Variants in PLCH1 observed in about 807,000 individuals in gnomAD.
PLCH1 encodes the protein 1-phosphatidylinositol 4,5-bisphosphate phosphodiesterase eta-1.
In PLCH1, 60 loss-of-function variants were observed where a neutral mutation model predicts 126.7. The ratio of observed to expected loss-of-function variants is 0.47; its 90% CI spans 0.38 to 0.59. PLCH1 has a LOEUF of 0.59. PLCH1 is among the 20% of genes least tolerant of loss of function. The probability of loss-of-function intolerance (pLI) is 0.00; values close to 1 mark genes in which losing one functional copy is unlikely to be tolerated. For synonymous variants in PLCH1, 719 were observed against 734.9 expected (o/e 0.98, Z 0.35); for missense variants, 1,723 against 2,040.0 (o/e 0.84, Z 2.99).
intron 8 of PLCH1, among the ~76,000 whole-genome samples, chr3:155,563,410 T>C (rs1727896459): frequency 6.6e-6 from 1 of 152,222 alleles, no homozygotes. Context: ...CCCTATAGTA[T>C]GGAGTGGCAC....
chr3:155,737,089 G>A (rs1321879561), intron 1 of PLCH1, among the ~76,000 whole-genome samples: 1 of 151,450 alleles, frequency 6.6e-6, no homozygotes, highest in Non-Finnish European at 1.5e-5. Context: ...GAAATTAGCC[G>A]GGCGTGGTGG....
chr3:155,486,760 A>G (rs1315600325), intron 21 of PLCH1, among the ~76,000 whole-genome samples: 2 of 151,614 alleles, frequency 1.3e-5, no homozygotes, highest in Admixed American at 6.6e-5. Context: ...TCCTGACCTC[A>G]TGATCCACCC....
intron 2 of PLCH1, among the ~76,000 whole-genome samples, chr3:155,670,311 C>G (rs116264875): frequency 2.6e-5 from 4 of 152,194 alleles, no homozygotes; most frequent in Admixed American, 6.5e-5. Context: ...AGGGTTGCCT[C>G]AGAGCCCTGC....
At chr3:155,641,611 AG>A (rs1196060843) in intron 2 of PLCH1, among the ~76,000 whole-genome samples, 3 of 152,236 alleles carry the variant, frequency 2.0e-5, no homozygotes, top group African/African-American at 7.2e-5. Context: ...CCTAACACAA[AG>A]AATGACAAAT....
chr3:155,503,170 T>A (rs1468799963), intron 13 of PLCH1, among the ~76,000 whole-genome samples: 1 of 152,204 alleles, frequency 6.6e-6, no homozygotes, highest in East Asian at 1.9e-4. Flanking sequence ...AAACCACACA[T>A]ACGACGAAAT....
chr3:155,504,741 G>C, intron 12 of PLCH1, 115 bp from the exon 13 acceptor site: 2 of 657,188 alleles, frequency 3.0e-6, no homozygotes, highest in South Asian at 1.9e-5. Flanking sequence ...CTCTAGGTGA[G>C]AAACAAGCAG....
Position 155,488,728 on chromosome 3 carries a change from C to T in PLCH1, c.2471G>A (p.Trp824Ter). ...PEIALVRFLVWDHDPIGRDFV... is the reference protein window; with the variant it reads ...PEIALVRFLV The stretch of plus-strand genomic sequence containing the variant: ...GTCTCGTCCAATGGGATCGTGATCC[C>T]ACACAAGGAACCGAACCAAAGCTAT... The change falls in exon 20 of 23, where the codon TGG becomes TAG. Residue 824 changes from tryptophan to a stop codon, truncating the protein, a stop_gained. Coordinates refer to ENST00000460012, the MANE Select transcript of PLCH1 (RefSeq NM_014996.4). LOFTEE classifies it high-confidence loss of function. 6.2e-7 allele frequency: 1 copy of T among 1,613,990 alleles called. No homozygotes were observed. The highest frequency in any genetic ancestry group is 8.5e-7 in the Non-Finnish European group (1 of 1,179,906).
At chr3:155,659,138 A>T (rs1228749802) in intron 2 of PLCH1, among the ~76,000 whole-genome samples, 3 of 151,964 alleles carry the variant, frequency 2.0e-5, no homozygotes, top group African/African-American at 7.3e-5. Context: ...TCTTTAAAAC[A>T]CCAAGAAGCA....
chr3:155,610,364 G>GAAAAAAAAAAAA (rs569174791), intron 2 of PLCH1, among the ~76,000 whole-genome samples: 3 of 39,456 alleles, frequency 7.6e-5, no homozygotes, highest in African/African-American at 1.3e-4. Context: ...TGCGTCTGGA[G>GAAAAAAAAAAAA]AAAAAAAAAA....
At chr3:155,571,688 C>T (rs765601137) in intron 6 of PLCH1, among the ~76,000 whole-genome samples, 11 of 152,156 alleles carry the variant, frequency 7.2e-5, no homozygotes, top group African/African-American at 9.7e-5. Flanking sequence ...TGTGAGCCAC[C>T]GCACCCGGCC....
intron 2 of PLCH1, among the ~76,000 whole-genome samples, chr3:155,629,514 TAA>T (rs1399596661): frequency 6.6e-6 from 1 of 152,174 alleles, no homozygotes; most frequent in African/African-American, 2.4e-5. Flanking sequence ...TCCATCTCAG[TAA>T]ATGGTTCCAG....
At chr3:155,723,581 C>T (rs1056415143) in intron 1 of PLCH1, among the ~76,000 whole-genome samples, 2 of 152,036 alleles carry the variant, frequency 1.3e-5, no homozygotes, top group Admixed American at 6.6e-5. Flanking sequence ...TATGAACTTT[C>T]CTCTTAGCAT....
At chr3:155,653,558 G>T (rs1305657548) in intron 2 of PLCH1, among the ~76,000 whole-genome samples, 2 of 152,014 alleles carry the variant, frequency 1.3e-5, no homozygotes, top group African/African-American at 4.8e-5. Context: ...ACAAAACAAG[G>T]GAACAAAGCT....
intron 2 of PLCH1, among the ~76,000 whole-genome samples, chr3:155,607,323 C>T (rs2108708805): frequency 6.6e-6 from 1 of 151,784 alleles, no homozygotes; most frequent in East Asian, 1.9e-4. Context: ...TATAAAAGAG[C>T]CCTAATAAAT....
chr3:155,474,649 T>G (rs1713441119), intron 21 of PLCH1, among the ~76,000 whole-genome samples: 1 of 128,828 alleles, frequency 7.8e-6, no homozygotes, highest in Non-Finnish European at 1.6e-5. Context: ...GCAGCATTAT[T>G]CACAATAGCA....
chr3:155,710,719 GC>G (rs1181626197), intron 1 of PLCH1, among the ~76,000 whole-genome samples: 1 of 151,840 alleles, frequency 6.6e-6, no homozygotes, highest in Non-Finnish European at 1.5e-5. Context: ...TGTAATCGCA[GC>G]TACTCAGGAG....
chr3:155,458,395 AAGG>A (rs1712528833), intron 21 of PLCH1, among the ~76,000 whole-genome samples: 2 of 26,386 alleles, frequency 7.6e-5, no homozygotes, highest in Non-Finnish European at 1.3e-4. Context: ...AGAAGGAAGG[AAGG>A]AAGGAAGGAA....
intron 1 of PLCH1, among the ~76,000 whole-genome samples, chr3:155,744,126 G>A (rs1335845231): frequency 3.3e-5 from 5 of 152,148 alleles, no homozygotes; most frequent in East Asian, 1.9e-4. Flanking sequence ...GGAGGGGAGA[G>A]GGCGTCGCAG....
At chr3:155,714,322 A>C (rs925452782) in intron 1 of PLCH1, among the ~76,000 whole-genome samples, 3 of 152,224 alleles carry the variant, frequency 2.0e-5, no homozygotes, top group Non-Finnish European at 2.9e-5. Context: ...TCTCTGGCCC[A>C]GCCCCAAACT....
Sources: allele counts gnomAD v4.1 joint callset (sites outside exome capture counted in the v4.1 genomes callset), GRCh38; gene constraint gnomAD v4.1.1; transcripts MANE v1.5; gene names NCBI Gene and HGNC (gene_info 2026-07-23, HGNC 2026-07-21).